SPOCK1: variants seen among roughly 807,000 people sequenced by gnomAD.
SPOCK1 encodes the protein testican-1.
In SPOCK1, 23 loss-of-function variants were observed where a neutral mutation model predicts 55.3. The ratio of observed to expected loss-of-function variants is 0.42; its 90% CI spans 0.30 to 0.59. The LOEUF (loss-of-function observed/expected upper bound fraction) is 0.59. Among genes scored for constraint, SPOCK1 ranks in the 20% least tolerant of loss-of-function variants. SPOCK1 has a pLI of 0.22. For missense variants in SPOCK1, 499 were observed against 552.5 expected (o/e 0.90, Z 0.97); for synonymous variants, 226 against 221.0 (o/e 1.02, Z -0.20).
chr5:137,309,859 T>C (rs1757760637), intron 2 of SPOCK1, among the ~76,000 whole-genome samples: 1 of 151,942 alleles, frequency 6.6e-6, no homozygotes, highest in Admixed American at 6.6e-5. Context: ...TACCCCCCAT[T>C]CAATTTATAG....
intron 2 of SPOCK1, among the ~76,000 whole-genome samples, chr5:137,357,513 G>A (rs1159035390): frequency 6.6e-6 from 1 of 152,170 alleles, no homozygotes; most frequent in Non-Finnish European, 1.5e-5. Flanking sequence ...TCTGCTTGTG[G>A]AAGGAGAGGG....
At chr5:137,236,884 C>T (rs2127097591) in intron 3 of SPOCK1, among the ~76,000 whole-genome samples, 1 of 152,282 alleles carries the variant, frequency 6.6e-6, no homozygotes, top group Non-Finnish European at 1.5e-5. Context: ...TTTCAGCAAA[C>T]TATACTTGGT....
chr5:137,358,283 C>T (rs1456488747), intron 2 of SPOCK1, among the ~76,000 whole-genome samples: 3 of 151,960 alleles, frequency 2.0e-5, no homozygotes, highest in African/African-American at 7.3e-5. Context: ...AGGTGATGTT[C>T]ATCCAACACC....
intron 4 of SPOCK1, among the ~76,000 whole-genome samples, chr5:137,138,216 A>G (rs1754025540): frequency 6.6e-6 from 1 of 152,168 alleles, no homozygotes; most frequent in African/African-American, 2.4e-5. Flanking sequence ...TCCCAAATCC[A>G]TGCTCTCACC....
chr5:137,141,272 T>TA lies in SPOCK1; in HGVS notation c.233-579dup, dbSNP rs1255506851. ...CTTCAGCTCAGGCAGGAATTACTTT[T>TA]AAAAAATCCTTTAGAATCTCACATG... On this transcript the variant is annotated intron_variant, in intron 3 of 10. Coordinates refer to ENST00000394945, the MANE Select transcript of SPOCK1 (RefSeq NM_004598.4). 2.6e-5 allele frequency among the ~76,000 whole-genome samples: 4 copies of TA among 152,316 alleles called. No homozygotes were observed. In the East Asian group the frequency reaches 7.7e-4, roughly 29 times the overall value.
At chr5:137,178,717 G>T (rs970410908) in intron 3 of SPOCK1, among the ~76,000 whole-genome samples, 4 of 152,214 alleles carry the variant, frequency 2.6e-5, no homozygotes, top group African/African-American at 9.6e-5. Flanking sequence ...GAAGGGGGCA[G>T]AAATAAGAAA....
intron 2 of SPOCK1, among the ~76,000 whole-genome samples, chr5:137,390,326 A>G (rs1055341903): frequency 6.6e-6 from 1 of 152,208 alleles, no homozygotes; most frequent in Admixed American, 6.5e-5. Flanking sequence ...TGCTAATGCA[A>G]TGACCCCTGG....
intron 3 of SPOCK1, among the ~76,000 whole-genome samples, chr5:137,160,618 T>TATA (rs1235563902): frequency 1.2e-5 from 1 of 84,732 alleles, no homozygotes; most frequent in African/African-American, 5.1e-5. Context: ...ATATATAATA[T>TATA]ATATTTTATA....
intron 3 of SPOCK1, among the ~76,000 whole-genome samples, chr5:137,249,168 A>G (rs1191073449): frequency 1.3e-5 from 2 of 152,238 alleles, no homozygotes; most frequent in East Asian, 3.8e-4. Flanking sequence ...GCTCAGGCAA[A>G]TAACTTGCTT....
chr5:137,140,708 A>G lies in SPOCK1; in HGVS notation c.233-14T>C, dbSNP rs762503504. 2.0e-6 allele frequency: 3 copies of G among 1,538,430 alleles called. No homozygotes were observed. The highest frequency in any genetic ancestry group is 4.7e-5 in the East Asian group (2 of 42,246). On this transcript the variant is annotated splice_polypyrimidine_tract_variant and intron_variant, in intron 3 of 10. Coordinates refer to ENST00000394945, the MANE Select transcript of SPOCK1 (RefSeq NM_004598.4). ...ATGGGTCCAGGGCTGAGGCAAAAAC[A>G]AGAAGGAGGGCAGGGTTTAGGACCT...
intron 4 of SPOCK1, among the ~76,000 whole-genome samples, chr5:137,129,712 T>C (rs566887700): frequency 6.6e-6 from 1 of 152,238 alleles, no homozygotes; most frequent in South Asian, 2.1e-4. Context: ...TCTTAGGTTC[T>C]ACAATAGTGA....
intron 3 of SPOCK1, among the ~76,000 whole-genome samples, chr5:137,143,826 T>G (rs1419286051): frequency 6.6e-6 from 1 of 152,214 alleles, no homozygotes; most frequent in Non-Finnish European, 1.5e-5. Context: ...GCTATTAATG[T>G]GCAAGTCTTA....
chr5:137,129,612 C>T (rs1204339990), intron 4 of SPOCK1, among the ~76,000 whole-genome samples: 2 of 152,106 alleles, frequency 1.3e-5, no homozygotes, highest in Non-Finnish European at 2.9e-5. Flanking sequence ...TGGGTAGGGG[C>T]CACAGGACTG....
intron 3 of SPOCK1, among the ~76,000 whole-genome samples, chr5:137,159,076 G>A (rs934288309): frequency 2.0e-5 from 3 of 152,162 alleles, no homozygotes; most frequent in African/African-American, 7.2e-5. Context: ...CTATGGCCCA[G>A]GGAGGGGAGG....
intron 6 of SPOCK1, among the ~76,000 whole-genome samples, chr5:137,040,228 C>T (rs527776513): frequency 2.8e-4 from 43 of 152,318 alleles, no homozygotes; most frequent in African/African-American, 9.6e-4. Context: ...CCCAGCAATC[C>T]GAAGAGGTGG....
intron 6 of SPOCK1, among the ~76,000 whole-genome samples, chr5:137,022,636 C>T (rs1400782657): frequency 2.0e-5 from 3 of 152,174 alleles, no homozygotes; most frequent in Non-Finnish European, 4.4e-5. Context: ...CCTGGTTAAG[C>T]TCTGTGAGCT....
At chr5:137,257,784 C>T (rs1756665526) in intron 3 of SPOCK1, among the ~76,000 whole-genome samples, 1 of 152,194 alleles carries the variant, frequency 6.6e-6, no homozygotes, top group Admixed American at 6.5e-5. Context: ...GACCTTCAAC[C>T]AGGAAGGGCT....
chr5:137,103,703 C>T (rs1753312623), intron 5 of SPOCK1, among the ~76,000 whole-genome samples: 1 of 152,170 alleles, frequency 6.6e-6, no homozygotes, highest in African/African-American at 2.4e-5. Context: ...CAACCTATAT[C>T]CTAACTAACA....
chr5:137,112,629 C>T (rs1186610944), intron 4 of SPOCK1, 68 bp from the exon 5 acceptor site: 2 of 1,554,850 alleles, frequency 1.3e-6, no homozygotes, highest in African/African-American at 1.4e-5. Flanking sequence ...CCTCTAAGTT[C>T]CCAGAATAAA....
Sources: gnomAD v4.1 joint callset for allele counts (sites outside exome capture counted in the v4.1 genomes callset) on GRCh38, gnomAD v4.1.1 for gene constraint, MANE v1.5 for transcripts, NCBI Gene and HGNC (gene_info 2026-07-23, HGNC 2026-07-21) for gene names.